LDHC: variants seen among roughly 807,000 people sequenced by gnomAD.
LDHC encodes lactate dehydrogenase C.
LDHC carries 20 observed loss-of-function variants against 30.2 expected under a neutral mutation model. The observed-to-expected ratio is 0.66, with a 90% CI of 0.47 to 0.96. The LOEUF is 0.96. Among genes scored for constraint, LDHC ranks in the 40% least tolerant of loss-of-function variants. LDHC has a pLI of 0.00. For synonymous variants in LDHC, 139 were observed against 132.7 expected, an observed-to-expected ratio of 1.05 and a Z score of -0.32; for missense variants, 362 against 394.9, an observed-to-expected ratio of 0.92 and a Z score of 0.71.
At position 18,447,335 on chromosome 11, in the gene LDHC, C is replaced by T. The variant is rs566651717; in HGVS notation, c.834+1002C>T. Among the ~76,000 whole-genome samples, 6 of 152,066 alleles carry T rather than the reference C, an allele frequency of 3.9e-5. No individual in the cohort carries two copies. In the South Asian group the frequency reaches 1.2e-3, roughly 32 times the overall value. On this transcript the variant is annotated intron_variant, in intron 7 of 7. Coordinates refer to ENST00000541669, the MANE Select transcript of LDHC (RefSeq NM_017448.5). ...TATTTTTAGTAGAGACAGGGTTTCA[C>T]TGTGTTAACCAGGATGGTCTTGATC...
At chr11:18,436,655 T>A (rs1848360134) in intron 5 of LDHC, among the ~76,000 whole-genome samples, 2 of 151,824 alleles carry the variant, frequency 1.3e-5, no homozygotes, top group African/African-American at 4.8e-5. Context: ...CCCGACTAAT[T>A]TTGTATTTTT....
At chr11:18,440,144 C>CAAAAAAA (rs35749455) in intron 6 of LDHC, among the ~76,000 whole-genome samples, 3 of 83,058 alleles carry the variant, frequency 3.6e-5, no homozygotes, top group Non-Finnish European at 7.8e-5. Context: ...TACTAAAATA[C>CAAAAAAA]AAAAAAAAAA....
chr11:18,416,711 C>T lies in LDHC; in HGVS notation c.244+1410C>T, dbSNP rs545407083. On this transcript the variant is annotated intron_variant, in intron 3 of 7. Transcript: ENST00000541669. ...TCCATCTTCCCCTTCCCTTCCTTTT[C>T]CCTTTCCCCTTCCTTCCCCCTTTCC... is the stretch of plus-strand genomic sequence containing the variant. 8.1e-5 allele frequency among the ~76,000 whole-genome samples: 12 copies of T among 147,720 alleles called. No homozygotes were observed. The South Asian group carries it at 1.1e-3, about 14-fold the overall frequency.
intron 3 of LDHC, among the ~76,000 whole-genome samples, chr11:18,427,075 C>T (rs902127911): frequency 1.8e-4 from 27 of 152,156 alleles, no homozygotes; most frequent in Admixed American, 9.2e-4. Flanking sequence ...AGGCTATTAG[C>T]GGCTGGGCGT....
intron 4 of LDHC, among the ~76,000 whole-genome samples, chr11:18,431,649 G>A (rs1426555314): frequency 6.6e-6 from 1 of 151,968 alleles, no homozygotes; most frequent in Non-Finnish European, 1.5e-5. Flanking sequence ...AGGTTCAAGC[G>A]ATTCTCCTGT....
chr11:18,436,766 A>G (rs1027596761), intron 5 of LDHC, among the ~76,000 whole-genome samples: 2 of 152,108 alleles, frequency 1.3e-5, no homozygotes, highest in Non-Finnish European at 2.9e-5. Flanking sequence ...GATTATAGGC[A>G]TGAGCCACTG....
intron 3 of LDHC, among the ~76,000 whole-genome samples, chr11:18,422,515 G>C (rs1289423873): frequency 1.3e-5 from 2 of 150,000 alleles, no homozygotes; most frequent in African/African-American, 4.9e-5. Context: ...GATTGTGGCA[G>C]TGCACTCCAG....
intron 4 of LDHC, 53 bp from the exon 5 acceptor site, chr11:18,434,687 A>T (rs1037169277): frequency 3.2e-5 from 37 of 1,160,740 alleles, no homozygotes; most frequent in South Asian, 2.1e-4. Flanking sequence ...GGAAAAAAAA[A>T]ATTTTTTTAA....
chr11:18,441,733 GA>G (rs1848469970), intron 6 of LDHC, among the ~76,000 whole-genome samples: 1 of 149,218 alleles, frequency 6.7e-6, no homozygotes, highest in African/African-American at 2.5e-5. Flanking sequence ...CCAACATGGT[GA>G]AACCCTGTCT....
chr11:18,426,194 T>G (rs556365393), intron 3 of LDHC, among the ~76,000 whole-genome samples: 1 of 152,130 alleles, frequency 6.6e-6, no homozygotes, highest in African/African-American at 2.4e-5. Flanking sequence ...TTATCTCATA[T>G]GTACAGTGAG....
intron 5 of LDHC, among the ~76,000 whole-genome samples, chr11:18,435,416 C>A (rs1235016359): frequency 6.6e-6 from 1 of 151,726 alleles, no homozygotes; most frequent in Non-Finnish European, 1.5e-5. Context: ...ACCCCCCTCC[C>A]CGACCCCCGC....
chr11:18,437,612 C>T (rs1271778655), intron 5 of LDHC, among the ~76,000 whole-genome samples: 6 of 151,966 alleles, frequency 3.9e-5, no homozygotes, highest in African/African-American at 7.3e-5. Context: ...ATTAGCCAGG[C>T]GTGGTGGTGG....
intron 3 of LDHC, among the ~76,000 whole-genome samples, chr11:18,418,709 G>A (rs1867067662): frequency 6.6e-6 from 1 of 152,106 alleles, no homozygotes; most frequent in Non-Finnish European, 1.5e-5. Flanking sequence ...TTATAGGTGT[G>A]AGCCACCGCA....
At chr11:18,439,811 T>TAAAAAAA (rs71047596) in intron 6 of LDHC, among the ~76,000 whole-genome samples, 49 of 64,194 alleles carry the variant, frequency 7.6e-4, no homozygotes, top group African/African-American at 2.0e-3. Context: ...CCGTCTCTAC[T>TAAAAAAA]AAAAAAAAAA....
chr11:18,448,639 T>C (rs1408019539), intron 7 of LDHC, among the ~76,000 whole-genome samples: 1 of 152,196 alleles, frequency 6.6e-6, no homozygotes, highest in Non-Finnish European at 1.5e-5. Context: ...GAGTCATTTG[T>C]ATATTCTTAT....
intron 4 of LDHC, 99 bp downstream of exon 4, chr11:18,430,009 A>C: frequency 1.4e-6 from 1 of 718,182 alleles, no homozygotes; most frequent in Non-Finnish European, 2.3e-6. Flanking sequence ...ATATACAATA[A>C]ATTGCACTCG....
At chr11:18,418,615 CG>C (rs1199517297) in intron 3 of LDHC, among the ~76,000 whole-genome samples, 3 of 151,642 alleles carry the variant, frequency 2.0e-5, no homozygotes, top group Non-Finnish European at 4.4e-5. Context: ...TTAGTAGAGA[CG>C]GGGTTTCACC....
chr11:18,416,513 T>A (rs1363485009), intron 3 of LDHC, among the ~76,000 whole-genome samples: 3 of 152,246 alleles, frequency 2.0e-5, no homozygotes, highest in Non-Finnish European at 4.4e-5. Context: ...GGCAGTTACC[T>A]AATTTAAACA....
intron 3 of LDHC, among the ~76,000 whole-genome samples, chr11:18,424,898 C>T (rs1848134167): frequency 6.6e-6 from 1 of 152,120 alleles, no homozygotes; most frequent in Admixed American, 6.6e-5. Context: ...ATTCCAGCTA[C>T]TCGGGAGGCT....
Sources: allele counts gnomAD v4.1 joint callset (sites outside exome capture counted in the v4.1 genomes callset), GRCh38; gene constraint gnomAD v4.1.1; transcripts MANE v1.5; gene names NCBI Gene and HGNC (gene_info 2026-07-23, HGNC 2026-07-21).